CAMSAP2: variants seen among roughly 807,000 people sequenced by gnomAD.
CAMSAP2 encodes the protein calmodulin-regulated spectrin-associated protein 2.
Under a neutral mutation model 146.1 loss-of-function variants are expected in CAMSAP2, and 26 were observed. The ratio of observed to expected loss-of-function variants is 0.18; its 90% CI spans 0.13 to 0.25. The LOEUF (loss-of-function observed/expected upper bound fraction) is 0.25, where lower values mean the gene tolerates loss of function less well. Among genes scored for constraint, CAMSAP2 ranks in the 10% least tolerant of loss-of-function variants. The probability of loss-of-function intolerance (pLI) is 1.00; values close to 1 mark genes in which losing one functional copy is unlikely to be tolerated. For synonymous variants in CAMSAP2, 499 were observed against 596.6 expected (o/e 0.84, Z 2.38); for missense variants, 1,381 against 1,759.3 (o/e 0.78, Z 3.85).
chr1:200,813,667 G>A (rs1475506533), intron 3 of CAMSAP2, among the ~76,000 whole-genome samples: 1 of 152,096 alleles, frequency 6.6e-6, no homozygotes, highest in Admixed American at 6.6e-5. Flanking sequence ...TTGCTTTTTG[G>A]ACAGAATCAG....
In CAMSAP2 at chr1:200,853,883, C is replaced by T; in HGVS notation, c.3823+388C>T. Among the ~76,000 whole-genome samples the T allele has an allele frequency of 6.6e-6, 1 of 152,152 alleles. No homozygotes were observed. Among genetic ancestry groups the T allele is most frequent in the East Asian group, 1.9e-4 (1 of 5,202 alleles). On this transcript the variant is annotated intron_variant, in intron 13 of 16. Coordinates refer to ENST00000358823, the MANE Select transcript of CAMSAP2 (RefSeq NM_203459.4). The surrounding 1 kb of genome is among the most constrained non-coding windows in gnomAD (Gnocchi z 5.1). ...AATGCAAGATCAAGAGTTCACAAGT[C>T]CCTCCTTCAAGATAGAAATGGTTGA...
chr1:200,848,920 T>C lies in CAMSAP2; in HGVS notation c.2151T>C (p.Ser717=), dbSNP rs1438470413. 3.1e-6 allele frequency: 5 copies of C among 1,614,178 alleles called. No individual in the cohort carries two copies. The highest frequency in any genetic ancestry group is 4.2e-6 in the Non-Finnish European group (5 of 1,180,008). ...SSSQKTTPEG[S]ELNIPHVVAW... ...CTCAAAAAACTACACCAGAAGGCTCTGAACTTAATATTCCTCATGTGGTTG... is the reference window on the plus strand; with the variant it reads ...CTCAAAAAACTACACCAGAAGGCTCCGAACTTAATATTCCTCATGTGGTTG... The change falls in exon 11 of 17, where the codon TCT becomes TCC. Residue 717 remains serine (S), a synonymous_variant. Coordinates refer to ENST00000358823, the MANE Select transcript of CAMSAP2 (RefSeq NM_203459.4).
intron 3 of CAMSAP2, among the ~76,000 whole-genome samples, chr1:200,812,484 C>T (rs1450595470): frequency 6.6e-6 from 1 of 151,866 alleles, no homozygotes; most frequent in Non-Finnish European, 1.5e-5. Flanking sequence ...TATTTTTTTT[C>T]CTTGATCCAT....
At chr1:200,842,599 C>G (rs1667352426) in intron 7 of CAMSAP2, among the ~76,000 whole-genome samples, 1 of 151,980 alleles carries the variant, frequency 6.6e-6, no homozygotes, top group Non-Finnish European at 1.5e-5. Context: ...ATATAAGGAA[C>G]AAAAAATCTT....
intron 11 of CAMSAP2, among the ~76,000 whole-genome samples, chr1:200,852,256 AAAT>A (rs1453785053): frequency 6.6e-6 from 1 of 152,220 alleles, no homozygotes; most frequent in African/African-American, 2.4e-5. Flanking sequence ...GGGTTAAAAA[AAAT>A]TTGTGCTTTT....
At chr1:200,809,184 C>A (rs546313713) in intron 3 of CAMSAP2, among the ~76,000 whole-genome samples, 68 of 152,162 alleles carry the variant, frequency 4.5e-4, no homozygotes, top group Non-Finnish European at 9.0e-4. Context: ...TTTCTTGAGA[C>A]CAGAGATGGG....
At chr1:200,828,330 G>C (rs773956414) in intron 4 of CAMSAP2, among the ~76,000 whole-genome samples, 20 of 152,022 alleles carry the variant, frequency 1.3e-4, no homozygotes, top group Non-Finnish European at 2.9e-4. Flanking sequence ...GCATATTCTA[G>C]GTATCCTACA....
chr1:200,760,455 T>C (rs578002304), intron 1 of CAMSAP2, among the ~76,000 whole-genome samples: 134 of 152,306 alleles, frequency 8.8e-4, no homozygotes, highest in Non-Finnish European at 1.7e-3. Flanking sequence ...GAAATACCTA[T>C]TGTGCATTTC....
At chr1:200,828,550 T>C (rs1345331515) in intron 4 of CAMSAP2, 1 of 1,550,034 alleles carries the variant, frequency 6.5e-7, no homozygotes, top group Non-Finnish European at 8.7e-7. Flanking sequence ...CTTTCCCCTT[T>C]TTTCCCGCTG....
At chr1:200,846,780 T>G (rs1053035947) in intron 8 of CAMSAP2, among the ~76,000 whole-genome samples, 1 of 152,154 alleles carries the variant, frequency 6.6e-6, no homozygotes, top group Non-Finnish European at 1.5e-5. Flanking sequence ...TCCACACACT[T>G]GGCTACCAGC....
Position 200,844,582 on chromosome 1 carries a change from A to T in CAMSAP2, c.1022-200A>T, listed in dbSNP as rs4417100. Among the ~76,000 whole-genome samples, 26,528 of 152,048 alleles carry T rather than the reference A, an allele frequency of 0.17. 3,097 individuals are homozygous for T. Among genetic ancestry groups the T allele is most frequent in the East Asian group, 0.35 (1,824 of 5,162 alleles). Reference sequence around the variant, plus strand: ...AAAGAAAATTTTTTTTAATTTTGAAATTAAGTCTGAATACTTCAAAAAGAT... The same window carrying T: ...AAAGAAAATTTTTTTTAATTTTGAATTTAAGTCTGAATACTTCAAAAAGAT... On this transcript the variant is annotated intron_variant, in intron 7 of 16. Coordinates refer to ENST00000358823, the MANE Select transcript of CAMSAP2 (RefSeq NM_203459.4).
chr1:200,842,597 A>G (rs1009956401), intron 7 of CAMSAP2, among the ~76,000 whole-genome samples: 1 of 152,222 alleles, frequency 6.6e-6, no homozygotes, highest in Admixed American at 6.5e-5. Flanking sequence ...AGATATAAGG[A>G]ACAAAAAATC....
chr1:200,809,868 G>T (rs1666280210), intron 3 of CAMSAP2, among the ~76,000 whole-genome samples: 1 of 152,158 alleles, frequency 6.6e-6, no homozygotes, highest in Admixed American at 6.5e-5. Context: ...CCTGCTAAGT[G>T]GGGACTCTGC....
intron 11 of CAMSAP2, among the ~76,000 whole-genome samples, chr1:200,850,969 T>C (rs529450914): frequency 6.6e-5 from 10 of 152,314 alleles, no homozygotes; most frequent in African/African-American, 2.2e-4. Flanking sequence ...TCTAGCTTCT[T>C]CCCCATAATT....
chr1:200,750,622 T>C (rs1315911731), intron 1 of CAMSAP2, among the ~76,000 whole-genome samples: 1 of 124,756 alleles, frequency 8.0e-6, no homozygotes, highest in Non-Finnish European at 1.7e-5. Flanking sequence ...GATAGATAGA[T>C]ACATCTTTTT....
rs1366711910 is a variant in CAMSAP2, at chr1:200,853,438, A to G, written c.3766A>G (p.Lys1256Glu). 2 of 1,613,916 alleles carry G rather than the reference A, an allele frequency of 1.2e-6. No homozygotes were observed. ...AGTAAAACAAAAAAAACAGCGACCAAAATCTATTCACAGAGATCATATTGA... is the reference window on the plus strand; with the variant it reads ...AGTAAAACAAAAAAAACAGCGACCAGAATCTATTCACAGAGATCATATTGA... ...QVVKQKKQRPKSIHRDHIESP... is the reference protein window; with the variant it reads ...QVVKQKKQRPESIHRDHIESP... The change falls in exon 13 of 17, where the codon AAA (lysine) becomes GAA (glutamate). Residue 1256 changes from lysine to glutamate, a missense_variant. Around this residue, in one of 4 missense-constraint regions of CAMSAP2, gnomAD observed 560 missense variants for 715.9 expected, o/e 0.78. Transcript: ENST00000358823. This position sits in a 1 kb window ranked among gnomAD's most constrained non-coding sequence, Gnocchi z 5.1.
At chr1:200,829,053 G>A (rs1666977635) in intron 4 of CAMSAP2, among the ~76,000 whole-genome samples, 1 of 152,120 alleles carries the variant, frequency 6.6e-6, no homozygotes, top group African/African-American at 2.4e-5. Flanking sequence ...TACTCGGGAG[G>A]CTGAGGCAGG....
chr1:200,824,671 A>T (rs1312128330), intron 4 of CAMSAP2, among the ~76,000 whole-genome samples: 3 of 152,130 alleles, frequency 2.0e-5, no homozygotes, highest in Non-Finnish European at 4.4e-5. Context: ...TGCTATACTC[A>T]TACCAATATG....
intron 2 of CAMSAP2, among the ~76,000 whole-genome samples, chr1:200,796,422 T>A (rs1346228192): frequency 6.6e-6 from 1 of 152,168 alleles, no homozygotes; most frequent in Non-Finnish European, 1.5e-5. Flanking sequence ...CTTTGTTCCC[T>A]TTCACGATTG....
Sources: allele counts gnomAD v4.1 joint callset (sites outside exome capture counted in the v4.1 genomes callset), GRCh38; gene constraint gnomAD v4.1.1; regional missense constraint gnomAD v4.1.1; non-coding constraint Gnocchi (gnomAD v3.1); transcripts MANE v1.5; gene names NCBI Gene and HGNC (gene_info 2026-07-23, HGNC 2026-07-21).